RABGAP1L: variants seen among roughly 807,000 people sequenced by gnomAD.
The protein encoded by RABGAP1L is RAB GTPase activating protein 1 like, also known as rab GTPase-activating protein 1-like.
In RABGAP1L, 63 loss-of-function variants were observed where a neutral mutation model predicts 137.7. The observed-to-expected ratio is 0.46, with a 90% CI of 0.37 to 0.56. The LOEUF (loss-of-function observed/expected upper bound fraction) is 0.56, where lower values mean the gene tolerates loss of function less well. Ranked by LOEUF, RABGAP1L falls within the 20% of genes least tolerant of loss-of-function variation. The pLI is 0.00. For missense variants in RABGAP1L, 1,095 were observed against 1,244.0 expected, an observed-to-expected ratio of 0.88 and a Z score of 1.80; for synonymous variants, 431 against 433.7, an observed-to-expected ratio of 0.99 and a Z score of 0.08.
intron 18 of RABGAP1L, chr1:174,756,739 GAGGTGAGTAGGAC>G (rs1684797471): frequency 2.9e-6 from 1 of 342,758 alleles, no homozygotes; most frequent in South Asian, 2.4e-5. Flanking sequence ...GAGTACATTG[GAGGTGAGTAGGAC>G]AATAGCAGTC....
intron 14 of RABGAP1L, among the ~76,000 whole-genome samples, chr1:174,649,797 C>T (rs950709421): frequency 7.9e-5 from 12 of 152,116 alleles, no homozygotes; most frequent in South Asian, 4.1e-4. Context: ...AATTTGACTT[C>T]CTCTTTTCCT....
chr1:174,221,573 G>A (rs1026608064), intron 3 of RABGAP1L, among the ~76,000 whole-genome samples: 3 of 152,166 alleles, frequency 2.0e-5, no homozygotes, highest in Non-Finnish European at 4.4e-5. Flanking sequence ...TTCCAACAGT[G>A]TATTAAATAA....
intron 1 of RABGAP1L, among the ~76,000 whole-genome samples, chr1:174,161,345 C>T (rs1191013903): frequency 6.6e-6 from 1 of 151,520 alleles, no homozygotes; most frequent in Admixed American, 6.6e-5. Context: ...CGGGTTCAAG[C>T]GATTCTCCTG....
chr1:174,356,480 T>C lies in RABGAP1L; in HGVS notation c.1466-14499T>C, dbSNP rs185657899. Reference sequence around the variant, plus strand: ...TTTATTTGAAAACAAAAAAGAATTGTGTGTATAGATATTTCTTTTATAATG... The same window carrying C: ...TTTATTTGAAAACAAAAAAGAATTGCGTGTATAGATATTTCTTTTATAATG... On this transcript the variant is annotated intron_variant, in intron 11 of 25. Transcript: ENST00000681986. 2.9e-3 allele frequency among the ~76,000 whole-genome samples: 436 copies of C among 152,246 alleles called. 1 individual carries two copies. Among genetic ancestry groups the C allele is most frequent in the African/African-American group, 9.7e-3 (403 of 41,574 alleles).
chr1:174,241,677 G>A lies in RABGAP1L; in HGVS notation c.717+20G>A, dbSNP rs1671841057. On this transcript the variant is annotated intron_variant, in intron 5 of 25. Transcript: ENST00000681986. ...GAGGCAGTAAGTATAATATAGTATA[G>A]CAATTTGCTATAGAGATGAATTAGG... 1 of 1,566,632 alleles carries A rather than the reference G, an allele frequency of 6.4e-7. No homozygotes were observed.
intron 10 of RABGAP1L, among the ~76,000 whole-genome samples, chr1:174,281,262 G>A (rs1158268430): frequency 6.6e-6 from 1 of 151,856 alleles, no homozygotes; most frequent in African/African-American, 2.4e-5. Context: ...GCGCCCTGCT[G>A]ATTGGTCCAT....
intron 13 of RABGAP1L, among the ~76,000 whole-genome samples, chr1:174,560,873 A>G (rs1446631124): frequency 1.3e-5 from 2 of 152,198 alleles, no homozygotes; most frequent in South Asian, 4.1e-4. Context: ...AGCTGCATCC[A>G]TGTTGCTTCA....
intron 13 of RABGAP1L, among the ~76,000 whole-genome samples, chr1:174,554,774 C>G (rs1666770319): frequency 6.6e-6 from 1 of 152,026 alleles, no homozygotes; most frequent in Admixed American, 6.6e-5. Context: ...TCACATATCA[C>G]AGATCATACT....
rs1393854367 is a variant in RABGAP1L at position 174,832,079 on chromosome 1, G to A, written c.2340+20119G>A. ...AGGCCAAGGCAGACGGATCACCTGA[G>A]GCCAGGAGTTCGAGACTAGCCTGGC... On this transcript the variant is annotated intron_variant, in intron 19 of 25. Transcript: ENST00000681986. Among the ~76,000 whole-genome samples, 2 of 147,594 alleles carry A rather than the reference G, an allele frequency of 1.4e-5. 1 individual carries two copies. The highest frequency in any genetic ancestry group is 3.0e-5 in the Non-Finnish European group (2 of 66,478).
chr1:174,587,073 T>C (rs1669171318), intron 13 of RABGAP1L, among the ~76,000 whole-genome samples: 2 of 151,636 alleles, frequency 1.3e-5, no homozygotes, highest in Non-Finnish European at 2.9e-5. Flanking sequence ...ACAAAGGACA[T>C]GAACTCATCA....
intron 18 of RABGAP1L, among the ~76,000 whole-genome samples, chr1:174,756,272 C>T (rs1341543640): frequency 1.3e-5 from 2 of 152,120 alleles, no homozygotes; most frequent in East Asian, 3.9e-4. Flanking sequence ...GCCTCAGCCT[C>T]CTGAGTGGCT....
At chr1:174,434,389 G>C (rs1267705307) in intron 13 of RABGAP1L, among the ~76,000 whole-genome samples, 1 of 152,064 alleles carries the variant, frequency 6.6e-6, no homozygotes, top group African/African-American at 2.4e-5. Context: ...ATGTGCGTGG[G>C]CTGTTTCTGG....
chr1:174,885,224 A>G (rs1654880039), intron 19 of RABGAP1L, among the ~76,000 whole-genome samples: 1 of 152,202 alleles, frequency 6.6e-6, no homozygotes, highest in Non-Finnish European at 1.5e-5. Flanking sequence ...TTACAGAATC[A>G]TGTTAGTAGT....
chr1:174,259,843 T>G (rs1046829935), intron 7 of RABGAP1L, among the ~76,000 whole-genome samples: 2 of 151,788 alleles, frequency 1.3e-5, no homozygotes, highest in Non-Finnish European at 2.9e-5. Flanking sequence ...CTGCATTTTT[T>G]TTTTTTTTTG....
chr1:174,467,994 T>A (rs1044095270), intron 13 of RABGAP1L, among the ~76,000 whole-genome samples: 8 of 152,112 alleles, frequency 5.3e-5, no homozygotes, highest in Admixed American at 5.2e-4. Context: ...AATCGTGAAA[T>A]CTTAGGGTTG....
In RABGAP1L at chr1:174,229,536, A is replaced by C. The variant is rs542259328; in HGVS notation, c.332-1609A>C. Among the ~76,000 whole-genome samples the C allele has an allele frequency of 2.1e-4, 32 of 152,218 alleles. 1 individual carries two copies. Among genetic ancestry groups the C allele is most frequent in the Non-Finnish European group, 4.0e-4 (27 of 68,014 alleles). Reference sequence around the variant, plus strand: ...AGGGGTTTTGGGAATTTCGGTGTTTAAACGGGGAAAGGGCAAGCACAGGTT... The same window carrying C: ...AGGGGTTTTGGGAATTTCGGTGTTTCAACGGGGAAAGGGCAAGCACAGGTT... On this transcript the variant is annotated intron_variant, in intron 3 of 25. Transcript: ENST00000681986.
intron 18 of RABGAP1L, among the ~76,000 whole-genome samples, chr1:174,786,573 CA>C (rs1051736551): frequency 6.6e-6 from 1 of 152,148 alleles, no homozygotes. Context: ...CCACATTCCC[CA>C]AATCAAATTT....
chr1:174,724,850 C>G (rs1013475439), intron 17 of RABGAP1L, among the ~76,000 whole-genome samples: 5 of 152,158 alleles, frequency 3.3e-5, no homozygotes, highest in African/African-American at 1.2e-4. Context: ...AGAATGGTCT[C>G]TCTGAGTAAG....
At chr1:174,424,701 T>G (rs1334376338) in intron 13 of RABGAP1L, among the ~76,000 whole-genome samples, 1 of 150,372 alleles carries the variant, frequency 6.7e-6, no homozygotes, top group Non-Finnish European at 1.5e-5. Flanking sequence ...AAAACAGGAA[T>G]AAATTTTAGT....
Sources: gnomAD v4.1 joint callset for allele counts (sites outside exome capture counted in the v4.1 genomes callset) on GRCh38, gnomAD v4.1.1 for gene constraint, MANE v1.5 for transcripts, NCBI Gene and HGNC (gene_info 2026-07-23, HGNC 2026-07-21) for gene names.